Variants in XXYLT1 observed in about 807,000 individuals in gnomAD.
XXYLT1 encodes xyloside xylosyltransferase 1, also known as UDP-xylose:alpha-xyloside alpha-1,3-xylosyltransferase.
XXYLT1 carries 20 observed loss-of-function variants against 28.9 expected under a neutral mutation model. The ratio of observed to expected loss-of-function variants is 0.69; its 90% CI spans 0.49 to 1.00. The LOEUF is 1.00. Among genes scored for constraint, XXYLT1 ranks in the 50% least tolerant of loss-of-function variants. XXYLT1 has a pLI of 0.00. For missense variants in XXYLT1, 542 were observed against 560.1 expected (o/e 0.97, Z 0.33); for synonymous variants, 257 against 253.8 (o/e 1.01, Z -0.12).
At chr3:195,142,732 C>T (rs992633685) in intron 3 of XXYLT1, among the ~76,000 whole-genome samples, 2 of 152,242 alleles carry the variant, frequency 1.3e-5, no homozygotes, top group Admixed American at 6.5e-5. Context: ...TGCGTATGCA[C>T]GCTGGGGTCT....
chr3:195,119,885 G>A (rs1467801557), intron 3 of XXYLT1, among the ~76,000 whole-genome samples: 1 of 151,770 alleles, frequency 6.6e-6, no homozygotes, highest in Non-Finnish European at 1.5e-5. Context: ...ACAAGGTCAA[G>A]GGGTTTGTGG....
At chr3:195,156,341 C>T in intron 3 of XXYLT1, 108 bp downstream of exon 3, 1 of 1,523,216 alleles carries the variant, frequency 6.6e-7, no homozygotes, top group Non-Finnish European at 8.8e-7. Flanking sequence ...ATACTAAGTG[C>T]AGAAGGATCG....
intron 2 of XXYLT1, among the ~76,000 whole-genome samples, chr3:195,166,650 G>A (rs570107309): frequency 1.7e-4 from 26 of 152,094 alleles, no homozygotes; most frequent in African/African-American, 6.0e-4. Flanking sequence ...CAGGACTTAG[G>A]ACAATTTGGG....
intron 3 of XXYLT1, among the ~76,000 whole-genome samples, chr3:195,119,184 T>G (rs1718206494): frequency 6.7e-6 from 1 of 148,962 alleles, no homozygotes; most frequent in Non-Finnish European, 1.5e-5. Context: ...CTCGGGAGGC[T>G]AGGGCAGGAG....
chr3:195,170,646 G>C (rs1315172233), intron 2 of XXYLT1, among the ~76,000 whole-genome samples: 1 of 152,202 alleles, frequency 6.6e-6, no homozygotes, highest in East Asian at 1.9e-4. Context: ...ATCTTGGAAA[G>C]AGCAGATGCT....
rs139984426 is a variant in XXYLT1 at position 195,139,586 on chromosome 3, C to T, written c.785+16863G>A. 1.9e-3 allele frequency among the ~76,000 whole-genome samples: 291 copies of T among 152,286 alleles called. 4 individuals carry two copies. Among genetic ancestry groups the T allele is most frequent in the African/African-American group, 4.9e-3 (204 of 41,544 alleles). ...TACCTCTTGAGGGTGGGGTCTGTGG[C>T]TTGTTCAGAGCCTGGCCCTTAGCAG... is the stretch of plus-strand genomic sequence containing the variant. On this transcript the variant is annotated intron_variant, in intron 3 of 3. Coordinates refer to ENST00000310380, the MANE Select transcript of XXYLT1 (RefSeq NM_152531.5).
chr3:195,182,824 C>T (rs978115832), intron 2 of XXYLT1, among the ~76,000 whole-genome samples: 1 of 152,172 alleles, frequency 6.6e-6, no homozygotes. Context: ...AGGATTAAAA[C>T]GTTTAGCATG....
chr3:195,194,494 A>T (rs764938420), intron 2 of XXYLT1, among the ~76,000 whole-genome samples: 1 of 152,206 alleles, frequency 6.6e-6, no homozygotes, highest in Non-Finnish European at 1.5e-5. Context: ...CAAGCACTTG[A>T]GAAAACAGGC....
chr3:195,203,406 C>A (rs1040006764), intron 2 of XXYLT1, among the ~76,000 whole-genome samples: 4 of 151,992 alleles, frequency 2.6e-5, no homozygotes, highest in Admixed American at 1.3e-4. Flanking sequence ...TTGGCCTGTA[C>A]CCACCCCTTC....
intron 3 of XXYLT1, among the ~76,000 whole-genome samples, chr3:195,108,476 C>T (rs1278907122): frequency 2.0e-5 from 3 of 152,128 alleles, no homozygotes; most frequent in African/African-American, 4.8e-5. Flanking sequence ...CTTTACAAAT[C>T]GTAAAGAAAA....
chr3:195,117,162 TC>T (rs1340318685), intron 3 of XXYLT1, among the ~76,000 whole-genome samples: 3 of 144,878 alleles, frequency 2.1e-5, no homozygotes, highest in African/African-American at 7.8e-5. Context: ...AGCTCAGCAC[TC>T]CTACTCTTGG....
At chr3:195,248,917 C>A in intron 1 of XXYLT1, among the ~76,000 whole-genome samples, 1 of 152,102 alleles carries the variant, frequency 6.6e-6, no homozygotes, top group East Asian at 1.9e-4. Context: ...GAGACTCTGT[C>A]TCAAAAAACA....
At chr3:195,188,708 C>T (rs1479311791) in intron 2 of XXYLT1, among the ~76,000 whole-genome samples, 1 of 152,234 alleles carries the variant, frequency 6.6e-6, no homozygotes, top group Non-Finnish European at 1.5e-5. Flanking sequence ...ACTGCTAGCT[C>T]CCATATCTGT....
At chr3:195,099,397 C>G (rs536572718) in intron 3 of XXYLT1, among the ~76,000 whole-genome samples, 2 of 152,074 alleles carry the variant, frequency 1.3e-5, no homozygotes, top group East Asian at 1.9e-4. Flanking sequence ...CAAACCAGCA[C>G]CACCATCTGG....
At chr3:195,208,109 G>A (rs1025670943) in intron 2 of XXYLT1, among the ~76,000 whole-genome samples, 4 of 152,174 alleles carry the variant, frequency 2.6e-5, no homozygotes, top group African/African-American at 7.2e-5. Context: ...ACCAGGGCAC[G>A]ACTCCTAGGA....
chr3:195,250,690 A>G (rs1001983050), intron 1 of XXYLT1, among the ~76,000 whole-genome samples: 28 of 152,214 alleles, frequency 1.8e-4, no homozygotes, highest in Non-Finnish European at 5.9e-5. Flanking sequence ...TCATGGAACA[A>G]AGAAATGAAA....
Position 195,256,502 on chromosome 3 carries a change from C to T in XXYLT1, c.504+14053G>A. 3.0e-6 allele frequency: 3 copies of T among 985,398 alleles called. No homozygotes were observed. The highest frequency in any genetic ancestry group is 3.6e-6 in the Non-Finnish European group (3 of 829,918). The allele number at this position is 985,398 out of a possible 1,614,324, so 61.0% of individuals were successfully genotyped here. A position where few individuals can be genotyped will look rare whatever the true frequency, so the allele number is the denominator to read the frequency against. On this transcript the variant is annotated intron_variant, in intron 1 of 3. Coordinates refer to ENST00000310380, the MANE Select transcript of XXYLT1 (RefSeq NM_152531.5). This position sits in a 1 kb window ranked among gnomAD's most constrained non-coding sequence, Gnocchi z 4.2. The stretch of plus-strand genomic sequence containing the variant: ...GGAAGGGAAGTCAGCACGGAAGCCT[C>T]ACCTAGGGTCATTCCAGGGATTATC...
chr3:195,187,283 T>G (rs1722243359), intron 2 of XXYLT1, among the ~76,000 whole-genome samples: 1 of 149,588 alleles, frequency 6.7e-6, no homozygotes, highest in Admixed American at 6.6e-5. Flanking sequence ...CATATTTGTC[T>G]CGAACTCCTG....
chr3:195,130,205 A>G (rs1373809797), intron 3 of XXYLT1, among the ~76,000 whole-genome samples: 1 of 152,096 alleles, frequency 6.6e-6, no homozygotes, highest in East Asian at 1.9e-4. Context: ...CTCTCTGAGG[A>G]CCCTCAGGTA....
Sources: gnomAD v4.1 joint callset for allele counts (sites outside exome capture counted in the v4.1 genomes callset) on GRCh38, gnomAD v4.1.1 for gene constraint, Gnocchi (gnomAD v3.1) non-coding constraint, MANE v1.5 for transcripts, NCBI Gene and HGNC (gene_info 2026-07-23, HGNC 2026-07-21) for gene names.